The following TLX3 variants were observed in gnomAD, a reference collection of about 807,000 sequenced individuals.
The protein encoded by TLX3 is T-cell leukemia homeobox protein 3.
A neutral mutation model predicts 19.6 loss-of-function variants in TLX3; 11 were observed. That is an observed-to-expected ratio of 0.56 (90% CI 0.35 to 0.93). The LOEUF is 0.93. Among genes scored for constraint, TLX3 ranks in the 40% least tolerant of loss-of-function variants. The pLI is 0.01. For missense variants in TLX3, 375 were observed against 418.6 expected, an observed-to-expected ratio of 0.90 and a Z score of 0.91; for synonymous variants, 221 against 188.1, an observed-to-expected ratio of 1.17 and a Z score of -1.43.
rs766238092 is a variant in TLX3, at chr5:171,310,109, G to C, written c.422-41G>C. On this transcript the variant is annotated intron_variant, in intron 1 of 2. Transcript: ENST00000296921. ...TCCGCATGGGGCCTGAACGGTGGCG[G>C]AGCCGGGCTGGGCTTCAGGGGCCCT... 4.6e-6 allele frequency: 7 copies of C among 1,535,988 alleles called. No individual in the cohort carries two copies. In the South Asian group the frequency reaches 8.6e-5, roughly 19 times the overall value.
chr5:171,309,656 C>G lies in TLX3; in HGVS notation c.291C>G (p.Pro97=). 6.2e-7 allele frequency: 1 copy of G among 1,608,078 alleles called. No homozygotes were observed. The highest frequency in any genetic ancestry group is 8.5e-7 in the Non-Finnish European group (1 of 1,178,244). ...VIRVPAHRPL[P]GAVPPPLPSA... ...GGGTGCCGGCGCACAGGCCGCTGCC[C>G]GGGGCCGTGCCACCGCCTCTGCCAA... Residue 97 remains proline, a synonymous_variant, in exon 1 of 3, where the codon CCC becomes CCG. Transcript: ENST00000296921.
In TLX3 at chr5:171,309,545, C is replaced by T. The variant is rs766831370; in HGVS notation, c.180C>T (p.Pro60=). ...GRPGATYPSL[P]ASFAGLGAPF... ...CGGGCGCCACATACCCGTCTCTGCC[C>T]GCCTCCTTTGCGGGCCTCGGCGCGC... Residue 60 remains proline, a synonymous_variant, in exon 1 of 3, where the codon CCC becomes CCT. Transcript: ENST00000296921. 1.3e-6 allele frequency: 2 copies of T among 1,576,174 alleles called. No individual in the cohort carries two copies. The highest frequency in any genetic ancestry group is 1.8e-5 in the Admixed American group (1 of 54,432).
intron 2 of TLX3, 129 bp downstream of exon 2, chr5:171,310,522 A>G: frequency 1.1e-6 from 1 of 921,342 alleles, no homozygotes; most frequent in Admixed American, 4.0e-5. Flanking sequence ...CCCCAAACAC[A>G]CCCCCACCCC....
chr5:171,309,933 G>T lies in TLX3; in HGVS notation c.421+147G>T, dbSNP rs558680031. ...CCAGGGCCCCGGGCAGCCGTGGTGG[G>T]GAGGGTAATCGGAGAGTTGCAGGAA... On this transcript the variant is annotated intron_variant, in intron 1 of 2. Coordinates refer to ENST00000296921, the MANE Select transcript of TLX3 (RefSeq NM_021025.4). The T allele has an allele frequency of 3.4e-4, 449 of 1,311,064 alleles. 3 individuals are homozygous for T. In the African/African-American group the frequency reaches 5.7e-3, roughly 17 times the overall value. The allele number at this position is 1,311,064 out of a possible 1,614,324, so 81.2% of individuals were successfully genotyped here.
chr5:171,311,818 C>A lies in TLX3; in HGVS notation c.*219C>A, dbSNP rs1238174543. Reference sequence around the variant, plus strand: ...TCCGAGCCCCCGCCCCGCGCCCCGTCCCGCCCCAGGCCCGGGCCTGACAAG... The same window carrying A: ...TCCGAGCCCCCGCCCCGCGCCCCGTACCGCCCCAGGCCCGGGCCTGACAAG... On this transcript the variant is annotated 3_prime_UTR_variant, in exon 3 of 3. Transcript: ENST00000296921. This position sits in a 1 kb window ranked among gnomAD's most constrained non-coding sequence, Gnocchi z 5.1. 2 of 379,096 alleles carry A rather than the reference C, an allele frequency of 5.3e-6. No individual in the cohort carries two copies. The highest frequency in any genetic ancestry group is 2.1e-5 in the African/African-American group (1 of 47,132). The allele number at this position is 379,096 out of a possible 1,614,324, so 23.5% of individuals were successfully genotyped here.
At chr5:171,310,446 C>G in intron 2 of TLX3, 53 bp downstream of exon 2, 1 of 1,592,456 alleles carries the variant, frequency 6.3e-7, no homozygotes, top group African/African-American at 1.3e-5. Context: ...CCTGTCCCGC[C>G]CCGAGCCGCA....
chr5:171,310,078 A>T (rs932569052), intron 1 of TLX3, 72 bp from the exon 2 acceptor site: 29 of 1,482,856 alleles, frequency 2.0e-5, no homozygotes, highest in Middle Eastern at 2.4e-4. Context: ...ACGGGGCGCC[A>T]CGGGGTCCGC....
rs1769202406 is a variant in TLX3, at chr5:171,310,529, C to T, written c.665+136C>T. On this transcript the variant is annotated intron_variant, in intron 2 of 2. Transcript: ENST00000296921. ...TCTGCCTCCCCCAAACACACCCCCA[C>T]CCCGCCTTCGCAGATTGTACCTCTT... 2.7e-6 allele frequency: 3 copies of T among 1,124,152 alleles called. No homozygotes were observed. In the Admixed American group the frequency reaches 8.1e-5, roughly 30 times the overall value. The allele number at this position is 1,124,152 out of a possible 1,614,324, so 69.6% of individuals were successfully genotyped here.
At position 171,311,665 on chromosome 5, in the gene TLX3, A is replaced by C; in HGVS notation, c.*66A>C. 7.6e-7 allele frequency: 1 copy of C among 1,312,190 alleles called. No homozygotes were observed. Among genetic ancestry groups the C allele is most frequent in the Non-Finnish European group, 1.1e-6 (1 of 951,588 alleles). The allele number at this position is 1,312,190 out of a possible 1,614,324, so 81.3% of individuals were successfully genotyped here. On this transcript the variant is annotated 3_prime_UTR_variant, in exon 3 of 3. Coordinates refer to ENST00000296921, the MANE Select transcript of TLX3 (RefSeq NM_021025.4). The surrounding 1 kb of genome is among the most constrained non-coding windows in gnomAD (Gnocchi z 5.1). Reference sequence around the variant, plus strand: ...CCCAGCCGGGCGCCCCGGACCCCCCAGGCGGGCTGCGGGGGAACCGGCGCC... The same window carrying C: ...CCCAGCCGGGCGCCCCGGACCCCCCCGGCGGGCTGCGGGGGAACCGGCGCC...
Position 171,311,795 on chromosome 5 carries a change from C to T in TLX3, c.*196C>T. 2 of 396,286 alleles carry T rather than the reference C, an allele frequency of 5.0e-6. No individual in the cohort carries two copies. The highest frequency in any genetic ancestry group is 1.6e-4 in the South Asian group (2 of 12,126). The allele number at this position is 396,286 out of a possible 1,614,324, so 24.5% of individuals were successfully genotyped here. A position where few individuals can be genotyped will look rare whatever the true frequency, so the allele number is the denominator to read the frequency against. Reference sequence around the variant, plus strand: ...CCGAGCTCCGCGCGGCCGCACAATCCGAGCCCCCGCCCCGCGCCCCGTCCC... The same window carrying T: ...CCGAGCTCCGCGCGGCCGCACAATCTGAGCCCCCGCCCCGCGCCCCGTCCC... On this transcript the variant is annotated 3_prime_UTR_variant, in exon 3 of 3. Coordinates refer to ENST00000296921, the MANE Select transcript of TLX3 (RefSeq NM_021025.4). This position sits in a 1 kb window ranked among gnomAD's most constrained non-coding sequence, Gnocchi z 5.1.
At position 171,310,280 on chromosome 5, in the gene TLX3, C is replaced by T. The variant is rs747582655; in HGVS notation, c.552C>T (p.Arg184=). The change falls in exon 2 of 3, where the codon CGC becomes CGT. Residue 184 remains arginine, a synonymous_variant. Coordinates refer to ENST00000296921, the MANE Select transcript of TLX3 (RefSeq NM_021025.4). ...SRVQICELEK[R]FHRQKYLASA... is the part of the protein sequence containing the mutation. The stretch of plus-strand genomic sequence containing the variant: ...TGCAGATCTGCGAGCTGGAAAAGCG[C>T]TTCCATCGCCAGAAGTACCTGGCCT... 9.4e-6 allele frequency: 15 copies of T among 1,591,456 alleles called. No homozygotes were observed. Among genetic ancestry groups the T allele is most frequent in the East Asian group, 2.3e-5 (1 of 43,252 alleles).
rs1769230288 is a variant in TLX3, at chr5:171,311,861, TCCGCCCCCCGC to T, written c.*267_*277del. The stretch of plus-strand genomic sequence containing the variant: ...CTGACAAGAAAGCGCCTTACGTTTC[TCCGCCCCCCGC>T]CCGCACCCCCCGGGCCGGGCGCCTG... On this transcript the variant is annotated 3_prime_UTR_variant, in exon 3 of 3. Transcript: ENST00000296921. The surrounding 1 kb of genome is among the most constrained non-coding windows in gnomAD (Gnocchi z 5.1). The T allele has an allele frequency of 6.5e-6, 2 of 306,934 alleles. No individual in the cohort carries two copies. The highest frequency in any genetic ancestry group is 9.8e-5 in the East Asian group (2 of 20,460). 19.0% of individuals were successfully genotyped at this position (306,934 alleles called of 1,614,324 possible). A position where few individuals can be genotyped will look rare whatever the true frequency, so the allele number is the denominator to read the frequency against.
intron 1 of TLX3, 95 bp downstream of exon 1, chr5:171,309,881 G>A: frequency 7.0e-7 from 1 of 1,430,840 alleles, no homozygotes; most frequent in Non-Finnish European, 9.2e-7. Flanking sequence ...CCATTTCAGA[G>A]GCCCAAGCGC....
At chr5:171,310,582 T>C (rs868428314) in intron 2 of TLX3, among the ~76,000 whole-genome samples, 189 bp downstream of exon 2, 2 of 141,814 alleles carry the variant, frequency 1.4e-5, no homozygotes, top group African/African-American at 5.1e-5. Flanking sequence ...TGGCCTGTGC[T>C]TCTCTCTCCA....
At chr5:171,310,415 C>T (rs748811502) in intron 2 of TLX3, 22 bp downstream of exon 2, 1 of 1,608,556 alleles carries the variant, frequency 6.2e-7, no homozygotes, top group Non-Finnish European at 8.5e-7. Context: ...CTGACCCGGC[C>T]CACCTTACAC....
Position 171,309,340 on chromosome 5 carries a change from CAGCCCAGCCCTTCCG to C in TLX3, c.-25_-11del. On this transcript the variant is annotated 5_prime_UTR_variant, in exon 1 of 3. Coordinates refer to ENST00000296921, the MANE Select transcript of TLX3 (RefSeq NM_021025.4). ...GACCCAGCCGCCTCCCCGCCCAGCC[CAGCCCAGCCCTTCCG>C]CCCGCCCAGGATGGAGGCGCCCGCC... 1 of 1,373,338 alleles carries C rather than the reference CAGCCCAGCCCTTCCG, an allele frequency of 7.3e-7. No homozygotes were observed. Among genetic ancestry groups the C allele is most frequent in the Non-Finnish European group, 1.0e-6 (1 of 1,004,500 alleles). The allele number at this position is 1,373,338 out of a possible 1,614,324, so 85.1% of individuals were successfully genotyped here.
In TLX3 at chr5:171,311,596, G is replaced by A. The variant is rs779848218; in HGVS notation, c.873G>A (p.Val291=). The A allele has an allele frequency of 6.2e-7, 1 of 1,607,484 alleles. No individual in the cohort carries two copies. The highest frequency in any genetic ancestry group is 8.5e-7 in the Non-Finnish European group (1 of 1,177,308). Residue 291 remains valine, a synonymous_variant, in exon 3 of 3, where the codon GTG becomes GTA. Transcript: ENST00000296921. The surrounding 1 kb of genome is among the most constrained non-coding windows in gnomAD (Gnocchi z 5.1). ...AGGTTCCCGCTGTCACCTCCCTGGT[G>A]TGAGCCCACCAGCGCGCACCGTCGC... ...SSKVPAVTSL[V]
chr5:171,309,924 C>A, intron 1 of TLX3, 138 bp downstream of exon 1: 1 of 1,322,714 alleles, frequency 7.6e-7, no homozygotes, highest in Non-Finnish European at 1.0e-6. Context: ...CCCCGGGCAG[C>A]CGTGGTGGGG....
At position 171,311,490 on chromosome 5, in the gene TLX3, T is replaced by C. The variant is rs1769221687; in HGVS notation, c.767T>C (p.Ile256Thr). 2 of 1,612,408 alleles carry C rather than the reference T, an allele frequency of 1.2e-6. No individual in the cohort carries two copies. The change falls in exon 3 of 3, where the codon ATC becomes ACC. Residue 256 changes from isoleucine to threonine, a missense_variant. Transcript: ENST00000296921. The surrounding 1 kb of genome is among the most constrained non-coding windows in gnomAD (Gnocchi z 5.1). ...DAFQKSLNDS[I>T]QPDPLCLHNS... Reference sequence around the variant, plus strand: ...TTCCAAAAGAGCCTCAACGACTCCATCCAGCCTGACCCGCTCTGTCTGCAC... The same window carrying C: ...TTCCAAAAGAGCCTCAACGACTCCACCCAGCCTGACCCGCTCTGTCTGCAC...
Sources: gnomAD v4.1 joint callset for allele counts (sites outside exome capture counted in the v4.1 genomes callset) on GRCh38, gnomAD v4.1.1 for gene constraint, Gnocchi (gnomAD v3.1) non-coding constraint, MANE v1.5 for transcripts, NCBI Gene and HGNC (gene_info 2026-07-23, HGNC 2026-07-21) for gene names.